Variants in NECAB1 observed in about 807,000 individuals in gnomAD.
The protein encoded by NECAB1 is N-terminal EF-hand calcium binding protein 1.
A neutral mutation model predicts 57.5 loss-of-function variants in NECAB1; 29 were observed. The ratio of observed to expected loss-of-function variants is 0.50; its 90% confidence interval spans 0.38 to 0.69. The LOEUF (loss-of-function observed/expected upper bound fraction) is 0.69. Among genes scored for constraint, NECAB1 ranks in the 30% least tolerant of loss-of-function variants. The pLI, the probability that NECAB1 is intolerant of heterozygous loss-of-function variation, is 0.00. For missense variants in NECAB1, 372 were observed against 413.8 expected (o/e 0.90, Z 0.88); for synonymous variants, 142 against 147.7 (o/e 0.96, Z 0.28).
rs1491143547 is a variant in NECAB1 at position 90,825,671 on chromosome 8, AAC to A, written c.233+848_233+849del. ...AAAATGCTCTTGGGCTACATCTATA[AAC>A]AGACATTTTTTTGAAGCTAACTATT... On this transcript the variant is annotated intron_variant, in intron 3 of 12. Transcript: ENST00000417640. Among the ~76,000 whole-genome samples, 7 of 151,856 alleles carry A rather than the reference AAC, an allele frequency of 4.6e-5. 1 individual carries two copies. The highest frequency in any genetic ancestry group is 1.7e-4 in the African/African-American group (7 of 41,398).
At chr8:90,904,824 T>C (rs1420733823) in intron 5 of NECAB1, among the ~76,000 whole-genome samples, 1 of 152,026 alleles carries the variant, frequency 6.6e-6, no homozygotes, top group Non-Finnish European at 1.5e-5. Flanking sequence ...ACATGACATA[T>C]CAGTGCCAAA....
intron 2 of NECAB1, among the ~76,000 whole-genome samples, chr8:90,805,934 C>T (rs1007648797): frequency 6.6e-6 from 1 of 152,136 alleles, no homozygotes; most frequent in African/African-American, 2.4e-5. Flanking sequence ...TATCATCTCC[C>T]ATTTCCTCCA....
chr8:90,839,109 TTC>T (rs1812415146), intron 3 of NECAB1, among the ~76,000 whole-genome samples: 2 of 152,246 alleles, frequency 1.3e-5, no homozygotes, highest in Non-Finnish European at 2.9e-5. Context: ...ACTACTCATC[TTC>T]TCTCTTAACT....
At chr8:90,905,008 A>C (rs1809604069) in intron 5 of NECAB1, among the ~76,000 whole-genome samples, 1 of 152,166 alleles carries the variant, frequency 6.6e-6, no homozygotes, top group Admixed American at 6.5e-5. Context: ...AGTAAGAAGG[A>C]TTTCTTAAAC....
intron 3 of NECAB1, among the ~76,000 whole-genome samples, chr8:90,871,674 A>G (rs953070867): frequency 5.3e-5 from 8 of 152,162 alleles, no homozygotes; most frequent in African/African-American, 4.8e-5. Context: ...TGTGCCAATT[A>G]CAGTTCAGTG....
chr8:90,833,900 C>T (rs543634426), intron 3 of NECAB1, among the ~76,000 whole-genome samples: 1 of 152,168 alleles, frequency 6.6e-6, no homozygotes, highest in Non-Finnish European at 1.5e-5. Flanking sequence ...TGGTGGCTCA[C>T]GCCTGTAATC....
intron 10 of NECAB1, among the ~76,000 whole-genome samples, chr8:90,941,513 CAATA>C (rs1228880097): frequency 3.3e-5 from 5 of 152,158 alleles, no homozygotes; most frequent in African/African-American, 9.7e-5. Flanking sequence ...CCAACTGGTT[CAATA>C]AATAGTTACT....
intron 7 of NECAB1, among the ~76,000 whole-genome samples, chr8:90,925,948 GA>G (rs1810257890): frequency 6.6e-6 from 1 of 152,062 alleles, no homozygotes. Context: ...CGTCTATAAG[GA>G]CCCCCCATGA....
At chr8:90,884,945 C>A (rs909489785) in intron 5 of NECAB1, among the ~76,000 whole-genome samples, 1 of 152,126 alleles carries the variant, frequency 6.6e-6, no homozygotes, top group African/African-American at 2.4e-5. Flanking sequence ...GAACTCAATG[C>A]CTCTGGAAAG....
At chr8:90,853,841 G>T (rs1271045491) in intron 3 of NECAB1, among the ~76,000 whole-genome samples, 2 of 152,136 alleles carry the variant, frequency 1.3e-5, no homozygotes, top group African/African-American at 4.8e-5. Flanking sequence ...GGAGATGGGA[G>T]ATAAGTCTCA....
chr8:90,919,575 T>A (rs978928820), intron 6 of NECAB1, among the ~76,000 whole-genome samples: 1 of 152,194 alleles, frequency 6.6e-6, no homozygotes, highest in Non-Finnish European at 1.5e-5. Flanking sequence ...TGAAGCATCC[T>A]CTACATCATA....
At chr8:90,830,996 A>T (rs7844134) in intron 3 of NECAB1, among the ~76,000 whole-genome samples, 79,908 of 151,814 alleles carry the variant, frequency 0.53, 23,676 homozygotes, top group East Asian at 0.85. Flanking sequence ...GTCTTATAGG[A>T]CCAGAGATAG....
At chr8:90,864,854 C>T (rs1344280867) in intron 3 of NECAB1, among the ~76,000 whole-genome samples, 3 of 152,034 alleles carry the variant, frequency 2.0e-5, no homozygotes, top group African/African-American at 7.2e-5. Flanking sequence ...AGAGAGCAGA[C>T]ATAAAATACC....
At chr8:90,918,561 T>C (rs1009734449) in intron 6 of NECAB1, among the ~76,000 whole-genome samples, 1 of 152,198 alleles carries the variant, frequency 6.6e-6, no homozygotes, top group Non-Finnish European at 1.5e-5. Flanking sequence ...GATGGAAGGA[T>C]GAGAAAGTCA....
intron 1 of NECAB1, among the ~76,000 whole-genome samples, chr8:90,795,721 C>G (rs527888146): frequency 3.7e-4 from 56 of 152,044 alleles, no homozygotes; most frequent in Admixed American, 5.9e-4. Context: ...CACACACACA[C>G]ACACACACAC....
intron 5 of NECAB1, among the ~76,000 whole-genome samples, chr8:90,882,786 T>G (rs1009118551): frequency 6.6e-6 from 1 of 152,224 alleles, no homozygotes; most frequent in Non-Finnish European, 1.5e-5. Context: ...GGGCAGTGTC[T>G]GGTTTTTTGT....
chr8:90,945,406 C>T (rs1043896222), intron 10 of NECAB1, among the ~76,000 whole-genome samples: 6 of 152,014 alleles, frequency 3.9e-5, no homozygotes, highest in African/African-American at 1.4e-4. Context: ...CATCATGTTG[C>T]CCTGGATGGT....
chr8:90,955,325 T>C (rs1811011136), intron 12 of NECAB1, among the ~76,000 whole-genome samples, 162 bp from the exon 13 acceptor site: 1 of 151,356 alleles, frequency 6.6e-6, no homozygotes, highest in African/African-American at 2.4e-5. Context: ...TAGGAAGAGT[T>C]CAATCTTGCC....
chr8:90,837,495 T>C (rs1032707020), intron 3 of NECAB1, among the ~76,000 whole-genome samples: 1 of 152,206 alleles, frequency 6.6e-6, no homozygotes, highest in Non-Finnish European at 1.5e-5. Flanking sequence ...TTATGAATTG[T>C]TTATTTCTAG....
Sources: allele counts gnomAD v4.1 joint callset (sites outside exome capture counted in the v4.1 genomes callset), GRCh38; gene constraint gnomAD v4.1.1; transcripts MANE v1.5; gene names NCBI Gene and HGNC (gene_info 2026-07-23, HGNC 2026-07-21).